Variants in DLGAP2 observed in about 807,000 individuals in gnomAD.
The protein encoded by DLGAP2 is disks large-associated protein 2.
A neutral mutation model predicts 100.3 loss-of-function variants in DLGAP2; 26 were observed. That is an observed-to-expected ratio of 0.26 (90% CI 0.19 to 0.36). The LOEUF is 0.36. Ranked by LOEUF, DLGAP2 falls within the 10% of genes least tolerant of loss-of-function variation. DLGAP2 has a pLI of 1.00. For synonymous variants in DLGAP2, 886 were observed against 630.1 expected, an observed-to-expected ratio of 1.41 and a Z score of -6.08; for missense variants, 1,858 against 1,453.2, an observed-to-expected ratio of 1.28 and a Z score of -4.53.
intron 6 of DLGAP2, among the ~76,000 whole-genome samples, chr8:1,566,302 T>G (rs1802398466): frequency 1.3e-5 from 2 of 152,212 alleles, no homozygotes; most frequent in Non-Finnish European, 2.9e-5. Flanking sequence ...TGTAAGTGCA[T>G]TTCTAGGCAA....
intron 5 of DLGAP2, chr8:1,565,482 C>T (rs1278348072): frequency 2.6e-5 from 14 of 536,764 alleles, no homozygotes; most frequent in Non-Finnish European, 3.3e-6. Context: ...GTTTACCTAT[C>T]ACTTATAATG....
chr8:1,313,863 C>T (rs1331438845), intron 3 of DLGAP2, among the ~76,000 whole-genome samples: 1 of 152,158 alleles, frequency 6.6e-6, no homozygotes, highest in Admixed American at 6.5e-5. Context: ...TATTCATCAG[C>T]AGCATCAAAG....
Position 1,320,985 on chromosome 8 carries a change from G to A in DLGAP2, c.106+62102G>A, listed in dbSNP as rs574872903. Among the ~76,000 whole-genome samples, 7 of 152,078 alleles carry A rather than the reference G, an allele frequency of 4.6e-5. No individual in the cohort carries two copies. The East Asian group carries it at 5.8e-4, about 13-fold the overall frequency. ...CATCCCTGTGCCTCTACATGTGTGC[G>A]TGCATCCGTGTGCCTCTGCGTGTGT... On this transcript the variant is annotated intron_variant, in intron 3 of 14. Coordinates refer to ENST00000637795, the MANE Select transcript of DLGAP2 (RefSeq NM_001346810.2).
At chr8:1,477,558 G>A (rs571336622) in intron 3 of DLGAP2, among the ~76,000 whole-genome samples, 2 of 152,300 alleles carry the variant, frequency 1.3e-5, no homozygotes, top group Non-Finnish European at 2.9e-5. Flanking sequence ...CAGCCCGGTG[G>A]TCATCTTCAG....
intron 8 of DLGAP2, among the ~76,000 whole-genome samples, chr8:1,647,613 G>A (rs1798072147): frequency 6.8e-6 from 1 of 147,700 alleles, no homozygotes; most frequent in Admixed American, 6.8e-5. Flanking sequence ...ACATTCCTAT[G>A]AGATTCATGC....
At chr8:1,554,523 T>C (rs1234246741) in intron 5 of DLGAP2, among the ~76,000 whole-genome samples, 1 of 152,104 alleles carries the variant, frequency 6.6e-6, no homozygotes. Context: ...TCAGCTCAGC[T>C]TGGCCTCCAC....
At chr8:1,136,383 G>A (rs113086380) in intron 2 of DLGAP2, among the ~76,000 whole-genome samples, 2,516 of 152,338 alleles carry the variant, frequency 0.017, 81 homozygotes, top group African/African-American at 0.057. Flanking sequence ...GATGCTCGTG[G>A]GAGAGAAGGG....
At chr8:1,184,678 C>T (rs139661958) in intron 2 of DLGAP2, among the ~76,000 whole-genome samples, 1 of 152,202 alleles carries the variant, frequency 6.6e-6, no homozygotes, top group Non-Finnish European at 1.5e-5. Context: ...TTGCGGGAAA[C>T]AGTGGGGTGT....
chr8:1,071,221 CTG>C (rs1563176142), intron 2 of DLGAP2, among the ~76,000 whole-genome samples: 1 of 152,236 alleles, frequency 6.6e-6, no homozygotes, highest in Non-Finnish European at 1.5e-5. Context: ...ATGATAAAAA[CTG>C]TACTTCTAGA....
intron 2 of DLGAP2, among the ~76,000 whole-genome samples, chr8:1,143,404 C>T (rs1389451169): frequency 1.3e-5 from 2 of 152,192 alleles, no homozygotes; most frequent in African/African-American, 4.8e-5. Context: ...CTTAATATCT[C>T]TATCAAACTT....
chr8:1,087,337 C>T (rs577977697), intron 2 of DLGAP2, among the ~76,000 whole-genome samples: 57 of 152,300 alleles, frequency 3.7e-4, no homozygotes, highest in East Asian at 2.1e-3. Flanking sequence ...TCCGCTGTGT[C>T]CTCCAGCTCA....
intron 2 of DLGAP2, among the ~76,000 whole-genome samples, chr8:1,003,818 T>G (rs1801030568): frequency 1.3e-5 from 2 of 152,186 alleles, no homozygotes; most frequent in Admixed American, 6.5e-5. Context: ...CGGCCCTAAG[T>G]GGGAACCATT....
rs1481771584 is a variant in DLGAP2, at chr8:1,701,603, T to A, written c.*197T>A. The A allele has an allele frequency of 3.2e-6, 2 of 617,170 alleles. No individual in the cohort carries two copies. The highest frequency in any genetic ancestry group is 5.5e-6 in the Non-Finnish European group (2 of 363,130). 38.2% of individuals were successfully genotyped at this position (617,170 alleles called of 1,614,324 possible). A position where few individuals can be genotyped will look rare whatever the true frequency, so the allele number is the denominator to read the frequency against. Reference sequence around the variant, plus strand: ...GCTCGCGGCGAGGACGACTTCTGCTTTTGTTGTTGTTGTTGTTGTTCACGG... The same window carrying A: ...GCTCGCGGCGAGGACGACTTCTGCTATTGTTGTTGTTGTTGTTGTTCACGG... On this transcript the variant is annotated 3_prime_UTR_variant, in exon 15 of 15. Transcript: ENST00000637795.
intron 2 of DLGAP2, among the ~76,000 whole-genome samples, chr8:923,199 C>T (rs755088821): frequency 4.6e-5 from 7 of 152,108 alleles, no homozygotes; most frequent in Admixed American, 6.5e-5. Context: ...TCAGTCTTGG[C>T]GGACAGGCTT....
intron 3 of DLGAP2, among the ~76,000 whole-genome samples, chr8:1,455,424 C>G (rs1337513870): frequency 6.6e-6 from 1 of 152,224 alleles, no homozygotes; most frequent in Non-Finnish European, 1.5e-5. Flanking sequence ...TCTGTCAGGA[C>G]TCAGCTGTCG....
chr8:1,538,073 C>T (rs937250040), intron 4 of DLGAP2, among the ~76,000 whole-genome samples: 2 of 152,166 alleles, frequency 1.3e-5, no homozygotes, highest in Non-Finnish European at 2.9e-5. Flanking sequence ...TGGCCTGGGG[C>T]ACCTGCAGGG....
At chr8:1,390,572 C>G (rs1796326710) in intron 3 of DLGAP2, among the ~76,000 whole-genome samples, 1 of 152,110 alleles carries the variant, frequency 6.6e-6, no homozygotes, top group Non-Finnish European at 1.5e-5. Flanking sequence ...TTGCGGGCCT[C>G]TGGTCTCTGC....
At chr8:1,146,893 G>A (rs1796618561) in intron 2 of DLGAP2, among the ~76,000 whole-genome samples, 1 of 152,166 alleles carries the variant, frequency 6.6e-6, no homozygotes, top group Non-Finnish European at 1.5e-5. Flanking sequence ...ATTCCTCACT[G>A]CCACAATTAT....
chr8:1,193,930 C>G (rs17815788), intron 2 of DLGAP2, among the ~76,000 whole-genome samples: 1 of 152,136 alleles, frequency 6.6e-6, no homozygotes, highest in East Asian at 2.0e-4. Context: ...GGGACGTTTT[C>G]GTTCTCAGTA....
Sources: gnomAD v4.1 joint callset for allele counts (sites outside exome capture counted in the v4.1 genomes callset) on GRCh38, gnomAD v4.1.1 for gene constraint, MANE v1.5 for transcripts, NCBI Gene and HGNC (gene_info 2026-07-23, HGNC 2026-07-21) for gene names.